DOCK9: variants seen among roughly 807,000 people sequenced by gnomAD.
The protein encoded by DOCK9 is dedicator of cytokinesis protein 9.
In DOCK9, 89 loss-of-function variants were observed where a neutral mutation model predicts 263.3. That is an observed-to-expected ratio of 0.34 (90% confidence interval 0.28 to 0.40). The LOEUF is 0.40. DOCK9 is among the 10% of genes least tolerant of loss of function. The pLI, the probability that DOCK9 is intolerant of heterozygous loss-of-function variation, is 1.00. For missense variants in DOCK9, 2,140 were observed against 2,603.4 expected (o/e 0.82, Z 3.87); for synonymous variants, 976 against 973.1 (o/e 1.00, Z -0.06).
At chr13:98,977,740 A>G in intron 1 of DOCK9, 44 bp downstream of exon 1, 3 of 1,597,642 alleles carry the variant, frequency 1.9e-6, no homozygotes, top group Non-Finnish European at 2.6e-6. Flanking sequence ...ATAAGAACCC[A>G]GCATTGGGTA....
intron 10 of DOCK9, among the ~76,000 whole-genome samples, chr13:98,903,468 C>T (rs1455969964): frequency 6.6e-6 from 1 of 151,852 alleles, no homozygotes; most frequent in Non-Finnish European, 1.5e-5. Context: ...GTAGTGGGCA[C>T]CTGTGGTCCC....
chr13:98,951,005 A>T (rs759947597), intron 2 of DOCK9, among the ~76,000 whole-genome samples: 1 of 152,214 alleles, frequency 6.6e-6, no homozygotes, highest in African/African-American at 2.4e-5. Flanking sequence ...GAGGCTCATC[A>T]TGTCTTAAGC....
intron 2 of DOCK9, among the ~76,000 whole-genome samples, chr13:98,944,888 C>T (rs937254940): frequency 2.0e-5 from 3 of 152,218 alleles, no homozygotes; most frequent in Non-Finnish European, 2.9e-5. Context: ...CTGATTTGGA[C>T]TCAGGCATAG....
chr13:98,930,039 T>C, intron 3 of DOCK9, 129 bp downstream of exon 3: 1 of 817,302 alleles, frequency 1.2e-6, no homozygotes, highest in Non-Finnish European at 2.0e-6. Flanking sequence ...CATTATTCTA[T>C]TTGAACTTCC....
intron 1 of DOCK9, among the ~76,000 whole-genome samples, chr13:98,971,187 G>A (rs1266801571): frequency 1.3e-5 from 2 of 152,186 alleles, no homozygotes; most frequent in Non-Finnish European, 2.9e-5. Flanking sequence ...GAGATTGAGA[G>A]GCAGATGCAG....
chr13:98,806,312 C>T (rs2090699642), intron 48 of DOCK9, among the ~76,000 whole-genome samples: 1 of 152,214 alleles, frequency 6.6e-6, no homozygotes, highest in Admixed American at 6.5e-5. Flanking sequence ...ATTGGTGGTA[C>T]TTTCATTTCT....
intron 44 of DOCK9, among the ~76,000 whole-genome samples, chr13:98,826,278 C>T (rs551456440): frequency 6.6e-6 from 1 of 152,288 alleles, no homozygotes; most frequent in African/African-American, 2.4e-5. Flanking sequence ...GAAATGAGCA[C>T]CTGCTGTTTA....
intron 49 of DOCK9, among the ~76,000 whole-genome samples, chr13:98,802,565 T>C (rs2090241155): frequency 6.6e-6 from 1 of 152,194 alleles, no homozygotes; most frequent in Non-Finnish European, 1.5e-5. Context: ...AGAAACTCCT[T>C]GGCAAAAGTT....
chr13:98,813,458 C>A (rs1485174886), intron 45 of DOCK9, among the ~76,000 whole-genome samples: 1 of 152,032 alleles, frequency 6.6e-6, no homozygotes, highest in East Asian at 1.9e-4. Flanking sequence ...ACTCTGTATG[C>A]ATCTACTGAG....
At chr13:99,045,700 T>C (rs1299278248) in intron 1 of DOCK9, among the ~76,000 whole-genome samples, 1 of 152,134 alleles carries the variant, frequency 6.6e-6, no homozygotes. Flanking sequence ...CATCATGTTG[T>C]ATACCCTAAA....
At chr13:99,015,073 G>C (rs1885176338) in intron 1 of DOCK9, among the ~76,000 whole-genome samples, 1 of 152,148 alleles carries the variant, frequency 6.6e-6, no homozygotes, top group Non-Finnish European at 1.5e-5. Flanking sequence ...AGACTGGAAT[G>C]TAAAGGGGCT....
rs1313425482 is a variant in DOCK9 at position 98,796,083 on chromosome 13, AG to A, written c.6156+1031del. 2.4e-5 allele frequency: 17 copies of A among 704,008 alleles called. No homozygotes were observed. The Admixed American group carries it at 3.9e-4, about 16-fold the overall frequency. 43.6% of individuals were successfully genotyped at this position (704,008 alleles called of 1,614,324 possible). On this transcript the variant is annotated intron_variant, in intron 52 of 52. Coordinates refer to ENST00000682017, the MANE Select transcript of DOCK9 (RefSeq NM_001366683.2). ...CTCTACTTTTTAAAATGTCCAGAAG[AG>A]GGTGCTTTCCTCTGCCCATGTACTG...
At chr13:98,817,451 C>CTTTTTATTTT (rs2091948607) in intron 45 of DOCK9, among the ~76,000 whole-genome samples, 1 of 97,632 alleles carries the variant, frequency 1.0e-5, no homozygotes, top group Non-Finnish European at 1.8e-5. Flanking sequence ...ATACACCCAG[C>CTTTTTATTTT]TTTTTTTTTT....
rs114481109 is a variant in DOCK9 at position 99,003,974 on chromosome 13, C to T, written c.130-48423G>A. On this transcript the variant is annotated intron_variant, in intron 1 of 32. Coordinates refer to the DOCK9 transcript ENST00000427887. ...TACCTCTCCAGCCTCACTGGTCACC[C>T]TTCTACTCCCACCATTGTCCTACAG... 7.4e-3 allele frequency among the ~76,000 whole-genome samples: 1,129 copies of T among 152,290 alleles called. 18 individuals carry two copies. Among genetic ancestry groups the T allele is most frequent in the African/African-American group, 0.025 (1,058 of 41,560 alleles).
intron 1 of DOCK9, among the ~76,000 whole-genome samples, chr13:99,060,794 G>A (rs1178100926): frequency 1.3e-5 from 2 of 152,184 alleles, no homozygotes; most frequent in Admixed American, 6.5e-5. Flanking sequence ...TGTCTGATCA[G>A]CTACTTAGGT....
rs1282222806 is a variant in DOCK9 at position 98,879,886 on chromosome 13, G to C, written c.2943+12C>G. On this transcript the variant is annotated intron_variant, in intron 27 of 52. Transcript: ENST00000682017. The stretch of plus-strand genomic sequence containing the variant: ...CCCCTAAGAACACAAGCTTCCACTT[G>C]AAGTAACATACCTTAACTTTGGAGT... The C allele has an allele frequency of 3.8e-6, 6 of 1,595,312 alleles. No homozygotes were observed. The highest frequency in any genetic ancestry group is 5.1e-6 in the Non-Finnish European group (6 of 1,173,852).
chr13:99,085,304 T>G (rs2042284285), intron 1 of DOCK9, among the ~76,000 whole-genome samples: 1 of 152,130 alleles, frequency 6.6e-6, no homozygotes, highest in Non-Finnish European at 1.5e-5. Context: ...AACAAGCCCG[T>G]TTCAAGAAAA....
At chr13:99,053,158 T>G (rs1325762991) in intron 1 of DOCK9, among the ~76,000 whole-genome samples, 1 of 152,234 alleles carries the variant, frequency 6.6e-6, no homozygotes, top group Non-Finnish European at 1.5e-5. Context: ...CAGCTGCCAC[T>G]GTGTTCACAT....
chr13:98,980,079 C>T (rs147398949), upstream of DOCK9, among the ~76,000 whole-genome samples: 107 of 152,294 alleles, frequency 7.0e-4, no homozygotes, highest in African/African-American at 2.3e-3. Context: ...AGGCTGAGTG[C>T]AGGGGCTCGA....
Sources: gnomAD v4.1 joint callset for allele counts (sites outside exome capture counted in the v4.1 genomes callset) on GRCh38, gnomAD v4.1.1 for gene constraint, MANE v1.5 for transcripts, NCBI Gene and HGNC (gene_info 2026-07-23, HGNC 2026-07-21) for gene names.